PICALM: variants seen among roughly 807,000 people sequenced by gnomAD.
PICALM encodes phosphatidylinositol binding clathrin assembly protein, also known as phosphatidylinositol-binding clathrin assembly protein.
Under a neutral mutation model 80.5 loss-of-function variants are expected in PICALM, and 40 were observed. The observed-to-expected ratio is 0.50, with a 90% CI of 0.39 to 0.65. The LOEUF (loss-of-function observed/expected upper bound fraction) is 0.65, where lower values mean the gene tolerates loss of function less well. Among genes scored for constraint, PICALM ranks in the 30% least tolerant of loss-of-function variants. The pLI is 0.00. For synonymous variants in PICALM, 288 were observed against 260.3 expected, an observed-to-expected ratio of 1.11 and a Z score of -1.02; for missense variants, 676 against 778.9, an observed-to-expected ratio of 0.87 and a Z score of 1.57.
intron 1 of PICALM, among the ~76,000 whole-genome samples, chr11:86,034,197 C>T (rs1217294108): frequency 1.3e-5 from 2 of 151,950 alleles, no homozygotes; most frequent in Non-Finnish European, 2.9e-5. Context: ...AATGTAAAAC[C>T]AAGTTATACA....
chr11:86,000,677 T>C lies in PICALM; in HGVS notation c.1120A>G (p.Ile374Val), dbSNP rs766811814. Residue 374 changes from isoleucine to valine, a missense_variant, in exon 11 of 20, where the codon ATT becomes GTT. By Grantham distance (29) the Ile-to-Val change is conservative (BLOSUM62 3). Transcript: ENST00000393346. ...GAACTAGGGGTAGAAAATATGTCAA[T>C]GGCTGGTGCAGTCATTATCCCTCCT... is the stretch of plus-strand genomic sequence containing the variant. ...SAGGIMTAPA[I>V]DIFSTPSSSN... 6.2e-6 allele frequency: 10 copies of C among 1,612,306 alleles called. No homozygotes were observed. The South Asian group carries it at 8.8e-5, about 14-fold the overall frequency.
intron 1 of PICALM, among the ~76,000 whole-genome samples, chr11:86,054,842 G>C (rs956501234): frequency 1.3e-5 from 2 of 151,798 alleles, no homozygotes; most frequent in African/African-American, 4.8e-5. Context: ...TCTCCATGTT[G>C]GTCAGGCTGG....
chr11:86,016,505 G>C (rs2095483477), intron 4 of PICALM, among the ~76,000 whole-genome samples: 1 of 152,132 alleles, frequency 6.6e-6, no homozygotes. Context: ...GAATTCCACA[G>C]ATCATTAATA....
At chr11:86,047,792 G>C (rs2096101410) in intron 1 of PICALM, among the ~76,000 whole-genome samples, 1 of 152,102 alleles carries the variant, frequency 6.6e-6, no homozygotes, top group African/African-American at 2.4e-5. Flanking sequence ...CAACTTATTA[G>C]TAAGTTTCTC....
chr11:86,034,417 C>T (rs2095807648), intron 1 of PICALM, among the ~76,000 whole-genome samples: 1 of 152,162 alleles, frequency 6.6e-6, no homozygotes, highest in African/African-American at 2.4e-5. Flanking sequence ...CAAAAGTAAA[C>T]TGTTCCAAAC....
At chr11:85,977,311 G>C (rs956198646) in intron 17 of PICALM, among the ~76,000 whole-genome samples, 1 of 152,078 alleles carries the variant, frequency 6.6e-6, no homozygotes. Flanking sequence ...CAATCAATTA[G>C]GTCAGTTTAT....
At chr11:85,992,994 A>G (rs1410506837) in intron 12 of PICALM, among the ~76,000 whole-genome samples, 2 of 152,236 alleles carry the variant, frequency 1.3e-5, no homozygotes, top group Non-Finnish European at 2.9e-5. Context: ...ACATTACACT[A>G]TAATAATAAA....
chr11:85,960,541 T>C (rs752809079), intron 19 of PICALM: 2 of 378,454 alleles, frequency 5.3e-6, no homozygotes, highest in African/African-American at 2.2e-5. Flanking sequence ...ACCTAAAGAA[T>C]AGAGGAAGAG....
intron 5 of PICALM, among the ~76,000 whole-genome samples, chr11:86,013,310 G>A (rs1404631724): frequency 6.6e-6 from 1 of 151,844 alleles, no homozygotes; most frequent in African/African-American, 2.4e-5. Context: ...GAAAAATGCT[G>A]TCTCAAAAAA....
chr11:86,045,105 C>T (rs11234528), intron 1 of PICALM, among the ~76,000 whole-genome samples: 4,085 of 152,184 alleles, frequency 0.027, 194 homozygotes, highest in African/African-American at 0.094. Flanking sequence ...TGAAATAATA[C>T]TCTCTAAGTG....
At chr11:85,986,039 A>G (rs1373452288) in intron 13 of PICALM, among the ~76,000 whole-genome samples, 1 of 152,202 alleles carries the variant, frequency 6.6e-6, no homozygotes, top group Non-Finnish European at 1.5e-5. Flanking sequence ...ATAATTACCT[A>G]AAAGTATACA....
At chr11:86,034,540 T>A (rs2095809525) in intron 1 of PICALM, among the ~76,000 whole-genome samples, 1 of 152,178 alleles carries the variant, frequency 6.6e-6, no homozygotes, top group Non-Finnish European at 1.5e-5. Flanking sequence ...TGCCAACCAA[T>A]AAGTTACCAA....
rs568521771 is a variant in PICALM, at chr11:86,026,215, G to C, written c.349+77C>G. 3.6e-5 allele frequency: 28 copies of C among 783,814 alleles called. No individual in the cohort carries two copies. The African/African-American group carries it at 4.0e-4, about 11-fold the overall frequency. 48.6% of individuals were successfully genotyped at this position (783,814 alleles called of 1,614,324 possible). A position where few individuals can be genotyped will look rare whatever the true frequency, so the allele number is the denominator to read the frequency against. The stretch of plus-strand genomic sequence containing the variant: ...GTTTAAAGTAGCACATGTTCTAAAA[G>C]ACAGAGTTCTACTCTGGAGTAATCA... On this transcript the variant is annotated intron_variant, in intron 3 of 19. Coordinates refer to ENST00000393346, the MANE Select transcript of PICALM (RefSeq NM_007166.4).
intron 1 of PICALM, among the ~76,000 whole-genome samples, chr11:86,067,303 G>T (rs1374182201): frequency 6.6e-6 from 1 of 152,188 alleles, no homozygotes; most frequent in Non-Finnish European, 1.5e-5. Flanking sequence ...TAACTTTCAT[G>T]TATGATGAAA....
chr11:86,052,810 C>A (rs892262308), intron 1 of PICALM, among the ~76,000 whole-genome samples: 7 of 152,198 alleles, frequency 4.6e-5, no homozygotes, highest in Non-Finnish European at 8.8e-5. Flanking sequence ...TAGCCTCAGA[C>A]AATTGCTCCG....
At chr11:86,056,193 T>C (rs1472811237) in intron 1 of PICALM, among the ~76,000 whole-genome samples, 2 of 143,500 alleles carry the variant, frequency 1.4e-5, no homozygotes, top group African/African-American at 5.2e-5. Flanking sequence ...TTAAAACTTT[T>C]GTGCATTAAA....
Position 85,981,111 on chromosome 11 carries a change from G to C in PICALM, c.1779+18C>G, listed in dbSNP as rs987918398. The C allele has an allele frequency of 1.7e-6, 2 of 1,206,144 alleles. No homozygotes were observed. The highest frequency in any genetic ancestry group is 2.5e-6 in the Non-Finnish European group (2 of 811,272). 74.7% of individuals were successfully genotyped at this position (1,206,144 alleles called of 1,614,324 possible). ...AAATTATTCAACTGTTAGTCTATCA[G>C]GAGCTTTTTCAACTCACCATTGTTG... On this transcript the variant is annotated intron_variant, in intron 17 of 19. Transcript: ENST00000393346.
At position 86,031,462 on chromosome 11, in the gene PICALM, T is replaced by C. The variant is rs2095751254; in HGVS notation, c.273+7A>G. The C allele has an allele frequency of 2.5e-6, 4 of 1,604,724 alleles. No individual in the cohort carries two copies. The highest frequency in any genetic ancestry group is 3.4e-6 in the Non-Finnish European group (4 of 1,176,478). On this transcript the variant is annotated splice_region_variant and intron_variant, in intron 2 of 19. Transcript: ENST00000393346. Reference sequence around the variant, plus strand: ...CAGTATACTTGTTCAATAAAAATTCTGCTTACCTCATTTCCATACACCATC... The same window carrying C: ...CAGTATACTTGTTCAATAAAAATTCCGCTTACCTCATTTCCATACACCATC...
At chr11:86,067,528 T>C (rs1194035257) in intron 1 of PICALM, among the ~76,000 whole-genome samples, 1 of 152,174 alleles carries the variant, frequency 6.6e-6, no homozygotes, top group South Asian at 2.1e-4. Flanking sequence ...GCTCTACTAA[T>C]TGTATCTACG....
Sources: allele counts gnomAD v4.1 joint callset (sites outside exome capture counted in the v4.1 genomes callset), GRCh38; gene constraint gnomAD v4.1.1; transcripts MANE v1.5; gene names NCBI Gene and HGNC (gene_info 2026-07-23, HGNC 2026-07-21).